Variants in AREL1 observed in about 807,000 individuals in gnomAD.
AREL1 encodes the protein apoptosis resistant E3 ubiquitin protein ligase 1.
Under a neutral mutation model 99.0 loss-of-function variants are expected in AREL1, and 62 were observed. That is an observed-to-expected ratio of 0.63 (90% confidence interval 0.51 to 0.77). The LOEUF (loss-of-function observed/expected upper bound fraction) is 0.77, where lower values mean the gene tolerates loss of function less well. Among genes scored for constraint, AREL1 ranks in the 30% least tolerant of loss-of-function variants. The pLI, the probability that AREL1 is intolerant of heterozygous loss-of-function variation, is 0.00. For synonymous variants in AREL1, 380 were observed against 376.5 expected (o/e 1.01, Z -0.11); for missense variants, 879 against 1,027.6 (o/e 0.86, Z 1.98).
chr14:74,676,081 G>A (rs1347545928), intron 7 of AREL1, 60 bp downstream of exon 7: 2 of 1,575,548 alleles, frequency 1.3e-6, no homozygotes, highest in East Asian at 2.2e-5. Context: ...ACAAAAGAGT[G>A]CAAACAGGCA....
intron 1 of AREL1, among the ~76,000 whole-genome samples, chr14:74,704,729 C>T (rs1324422365): frequency 1.3e-5 from 2 of 152,098 alleles, no homozygotes; most frequent in Non-Finnish European, 2.9e-5. Context: ...ACAGAAAATA[C>T]ACTTTTTAAA....
At chr14:74,666,169 A>C (rs1434920650) in intron 17 of AREL1, among the ~76,000 whole-genome samples, 1 of 152,244 alleles carries the variant, frequency 6.6e-6, no homozygotes, top group Non-Finnish European at 1.5e-5. Flanking sequence ...AATAGAAATA[A>C]GAATTGGGCA....
chr14:74,668,934 G>C (rs2089268050), intron 15 of AREL1, among the ~76,000 whole-genome samples: 1 of 152,180 alleles, frequency 6.6e-6, no homozygotes, highest in Non-Finnish European at 1.5e-5. Context: ...CTGGAGTGCA[G>C]TGGTGCAATC....
chr14:74,692,711 T>C lies in AREL1; in HGVS notation c.-333-383A>G, dbSNP rs150897334. On this transcript the variant is annotated intron_variant, in intron 1 of 19. Transcript: ENST00000356357. ...ATTAGACACAGTTTTTTTGTTTTTG[T>C]TTTTGTTTTTGAGACAGGGTCTTTC... 1.9e-3 allele frequency among the ~76,000 whole-genome samples: 292 copies of C among 152,212 alleles called. 1 individual carries two copies. The highest frequency in any genetic ancestry group is 6.9e-3 in the African/African-American group (285 of 41,526).
Position 74,663,751 on chromosome 14 carries a change from C to T in AREL1, c.2441G>A (p.Ser814Asn). ...EVHRMLQLAISEGCEGFGML is the reference protein window; with the variant it reads ...EVHRMLQLAINEGCEGFGML ...CATGCCAAAGCCCTCGCAACCCTCG[C>T]TGATGGCCAGCTGCAGCATCCTGTG... Residue 814 changes from serine (S) to asparagine (N), a missense_variant, in exon 20 of 20, where the codon AGC becomes AAC. Transcript: ENST00000356357. 6.2e-7 allele frequency: 1 copy of T among 1,614,186 alleles called. No individual in the cohort carries two copies. Among genetic ancestry groups the T allele is most frequent in the South Asian group, 1.1e-5 (1 of 91,078 alleles).
At position 74,676,593 on chromosome 14, in the gene AREL1, G is replaced by C. The variant is rs775638644; in HGVS notation, c.641C>G (p.Ser214Cys). 3.1e-6 allele frequency: 5 copies of C among 1,612,900 alleles called. No homozygotes were observed. In the East Asian group the frequency reaches 8.9e-5, roughly 29 times the overall value. The change falls in exon 6 of 20, where the codon TCC (serine) becomes TGC (cysteine). Residue 214 changes from serine (S) to cysteine (C), a missense_variant. Transcript: ENST00000356357. ...SLRDEHNYTL[S>C]IHELGPQEEE... ...AGGGAGACTGCTTACCTCATGAATG[G>C]ACAAGGTGTAATTGTGCTCATCTCT...
At chr14:74,699,920 G>A (rs1237585343) in intron 1 of AREL1, among the ~76,000 whole-genome samples, 1 of 152,234 alleles carries the variant, frequency 6.6e-6, no homozygotes, top group African/African-American at 2.4e-5. Context: ...TTACACCCAG[G>A]TGATATGGAG....
chr14:74,672,721 T>C, intron 11 of AREL1, 110 bp downstream of exon 11: 2 of 1,466,012 alleles, frequency 1.4e-6, no homozygotes, highest in Non-Finnish European at 1.9e-6. Context: ...GGCAATAGAG[T>C]GAGACCCTAT....
chr14:74,703,688 GAGT>G (rs1214226313), intron 1 of AREL1, among the ~76,000 whole-genome samples: 1 of 152,152 alleles, frequency 6.6e-6, no homozygotes, highest in Non-Finnish European at 1.5e-5. Flanking sequence ...TTTTCCTGCA[GAGT>G]AGTACTCCAT....
Position 74,663,519 on chromosome 14 carries a change from A to C in AREL1, c.*201T>G. 1.6e-6 allele frequency: 1 copy of C among 606,836 alleles called. No individual in the cohort carries two copies. The allele number at this position is 606,836 out of a possible 1,614,324, so 37.6% of individuals were successfully genotyped here. On this transcript the variant is annotated 3_prime_UTR_variant, in exon 20 of 20. Coordinates refer to ENST00000356357, the MANE Select transcript of AREL1 (RefSeq NM_001039479.2). ...AGAGCTCAGCTTACATACCATGCCA[A>C]AGTGGCCTGTGGTAGATATGGGCAG...
intron 1 of AREL1, 77 bp downstream of exon 1, chr14:74,712,856 T>C: frequency 2.1e-6 from 1 of 474,676 alleles, no homozygotes; most frequent in Non-Finnish European, 3.9e-6. Context: ...CCCCCTACCC[T>C]TTTCCTCCCT....
chr14:74,662,431 A>G lies in AREL1; in HGVS notation c.*1289T>C. On this transcript the variant is annotated 3_prime_UTR_variant, in exon 20 of 20. Transcript: ENST00000356357. ...CCTTCTTAAAAACACAAATTTGGGA[A>G]GTCAATGAGATTTTGAATCTTGAAA... is the stretch of plus-strand genomic sequence containing the variant. The G allele has an allele frequency of 2.5e-6, 1 of 396,758 alleles. No individual in the cohort carries two copies. The highest frequency in any genetic ancestry group is 4.4e-6 in the Non-Finnish European group (1 of 225,036). The allele number at this position is 396,758 out of a possible 1,614,324, so 24.6% of individuals were successfully genotyped here.
chr14:74,669,356 A>C (rs2089279230), intron 15 of AREL1, among the ~76,000 whole-genome samples: 2 of 152,170 alleles, frequency 1.3e-5, no homozygotes, highest in African/African-American at 2.4e-5. Flanking sequence ...ACTCGGTGGG[A>C]TAGATGGAGA....
At chr14:74,681,806 G>GC (rs1555359179) in intron 5 of AREL1, among the ~76,000 whole-genome samples, 1 of 91,016 alleles carries the variant, frequency 1.1e-5, no homozygotes, top group Admixed American at 1.0e-4. Context: ...GAAACAGGTT[G>GC]GGGGGGATAG....
intron 9 of AREL1, 91 bp downstream of exon 9, chr14:74,673,943 C>CA: frequency 1.8e-6 from 2 of 1,123,888 alleles, no homozygotes; most frequent in South Asian, 2.8e-5. Flanking sequence ...CTTGCAGAAA[C>CA]ACTAAAAGTG....
Position 74,713,025 on chromosome 14 carries a change from C to T in AREL1, c.-426G>A, listed in dbSNP as rs901885933. ...GCAGAAGACGGGCTCCCCACTCTCC[C>T]ACCAACAGACCCCAGAGTTGGTCTC... On this transcript the variant is annotated 5_prime_UTR_variant, in exon 1 of 20. Transcript: ENST00000356357. The T allele has an allele frequency of 8.2e-6, 9 of 1,099,770 alleles. No homozygotes were observed. Among genetic ancestry groups the T allele is most frequent in the Admixed American group, 7.4e-5 (4 of 53,768 alleles). The allele number at this position is 1,099,770 out of a possible 1,614,324, so 68.1% of individuals were successfully genotyped here.
In AREL1 at chr14:74,663,640, G is replaced by C. The variant is rs1490843815; in HGVS notation, c.*80C>G. 3 of 1,353,928 alleles carry C rather than the reference G, an allele frequency of 2.2e-6. No homozygotes were observed. The highest frequency in any genetic ancestry group is 3.2e-6 in the Non-Finnish European group (3 of 945,720). The allele number at this position is 1,353,928 out of a possible 1,614,324, so 83.9% of individuals were successfully genotyped here. On this transcript the variant is annotated 3_prime_UTR_variant, in exon 20 of 20. Coordinates refer to ENST00000356357, the MANE Select transcript of AREL1 (RefSeq NM_001039479.2). ...TTCTGGCTGATGGTTATGTGTGTTA[G>C]GATCAGTGGTTATGATGTCTGTAAC...
At chr14:74,678,130 G>T in intron 5 of AREL1, 1 of 445,026 alleles carries the variant, frequency 2.2e-6, no homozygotes, top group South Asian at 1.6e-5. Context: ...AAAGGAACTA[G>T]AATACTAAAA....
chr14:74,676,116 A>G, intron 7 of AREL1, 25 bp downstream of exon 7: 1 of 1,606,544 alleles, frequency 6.2e-7, no homozygotes, highest in Non-Finnish European at 8.5e-7. Flanking sequence ...GAACAGCACT[A>G]AATCATACTT....
Sources: gnomAD v4.1 joint callset for allele counts (sites outside exome capture counted in the v4.1 genomes callset) on GRCh38, gnomAD v4.1.1 for gene constraint, MANE v1.5 for transcripts, NCBI Gene and HGNC (gene_info 2026-07-23, HGNC 2026-07-21) for gene names.